Variants in KCNS3 observed in about 807,000 individuals in gnomAD.
KCNS3 encodes the protein potassium voltage-gated channel modifier subfamily S member 3.
A neutral mutation model predicts 31.0 loss-of-function variants in KCNS3; 13 were observed. That is an observed-to-expected ratio of 0.42 (90% CI 0.27 to 0.67). The LOEUF (loss-of-function observed/expected upper bound fraction) is 0.67, where lower values mean the gene tolerates loss of function less well. Ranked by LOEUF, KCNS3 falls within the 30% of genes least tolerant of loss-of-function variation. The pLI is 0.25. For missense variants in KCNS3, 545 were observed against 622.4 expected (o/e 0.88, Z 1.32); for synonymous variants, 238 against 241.5 (o/e 0.99, Z 0.13).
At chr2:17,906,168 T>C (rs539770597) in intron 1 of KCNS3, among the ~76,000 whole-genome samples, 2 of 152,348 alleles carry the variant, frequency 1.3e-5, no homozygotes, top group Non-Finnish European at 1.5e-5. Context: ...GGGATTCAAC[T>C]TCTTCGTGGT....
chr2:17,910,484 G>A (rs1662445831), intron 1 of KCNS3, among the ~76,000 whole-genome samples: 1 of 152,148 alleles, frequency 6.6e-6, no homozygotes, highest in Admixed American at 6.5e-5. Context: ...CAGTTTAAAT[G>A]GAATACAAAA....
chr2:17,890,062 T>G (rs1342263205), intron 1 of KCNS3, among the ~76,000 whole-genome samples: 1 of 152,068 alleles, frequency 6.6e-6, no homozygotes, highest in African/African-American at 2.4e-5. Flanking sequence ...TCCTGGACTG[T>G]TTTTTTGGCA....
Position 17,898,036 on chromosome 2 carries a change from G to A in KCNS3, c.-252+19230G>A, listed in dbSNP as rs187357797. ...TGCATATGGTTAGCCAGTTATCTCAGCACCATTTATTGATTAGGGAGTCCT... is the reference window on the plus strand; with the variant it reads ...TGCATATGGTTAGCCAGTTATCTCAACACCATTTATTGATTAGGGAGTCCT... On this transcript the variant is annotated intron_variant, in intron 1 of 2. Transcript: ENST00000304101. Among the ~76,000 whole-genome samples, 618 of 152,232 alleles carry A rather than the reference G, an allele frequency of 4.1e-3. 6 individuals are homozygous for A. The highest frequency in any genetic ancestry group is 0.015 in the African/African-American group (605 of 41,540).
intron 1 of KCNS3, among the ~76,000 whole-genome samples, chr2:17,894,970 C>CT (rs1661987871): frequency 6.6e-6 from 1 of 152,106 alleles, no homozygotes; most frequent in Admixed American, 6.5e-5. Flanking sequence ...AAATTTAAAA[C>CT]TTTTTTGACT....
intron 1 of KCNS3, among the ~76,000 whole-genome samples, chr2:17,913,648 T>C (rs796561028): frequency 4.3e-4 from 66 of 152,368 alleles, no homozygotes; most frequent in African/African-American, 1.5e-3. Flanking sequence ...CCCCAGCCCC[T>C]GTCAGCAGAT....
At chr2:17,930,401 A>C (rs1662930166) in intron 2 of KCNS3, among the ~76,000 whole-genome samples, 1 of 152,200 alleles carries the variant, frequency 6.6e-6, no homozygotes, top group South Asian at 2.1e-4. Context: ...CTCTTAAAGG[A>C]GTAAAACATT....
intron 2 of KCNS3, among the ~76,000 whole-genome samples, chr2:17,923,363 T>A (rs1272839227): frequency 6.6e-6 from 1 of 152,190 alleles, no homozygotes; most frequent in Non-Finnish European, 1.5e-5. Context: ...GGATACTATA[T>A]CCTTATCAGA....
At position 17,932,027 on chromosome 2, in the gene KCNS3, T is replaced by C; in HGVS notation, c.1019T>C (p.Val340Ala). The C allele has an allele frequency of 6.2e-7, 1 of 1,614,128 alleles. No homozygotes were observed. Among genetic ancestry groups the C allele is most frequent in the Non-Finnish European group, 8.5e-7 (1 of 1,180,016 alleles). Residue 340 changes from valine to alanine, a missense_variant, in exon 3 of 3, where the codon GTG becomes GCG. Coordinates refer to ENST00000304101, the MANE Select transcript of KCNS3 (RefSeq NM_002252.5). Reference protein sequence around the residue: ...FLSVGISIFSVLIYSVEKDDH... With the variant: ...FLSVGISIFSALIYSVEKDDH... ...TCTGTGGGCATTTCCATTTTCTCTGTGCTTATCTACTCCGTGGAGAAAGAT... is the reference window on the plus strand; with the variant it reads ...TCTGTGGGCATTTCCATTTTCTCTGCGCTTATCTACTCCGTGGAGAAAGAT...
chr2:17,931,545 G>T lies in KCNS3; in HGVS notation c.537G>T (p.Ala179=). ...KKIWIRMENP[A]YCLSAKLIAI... is the part of the protein sequence containing the mutation. Reference sequence around the variant, plus strand: ...TCTGGATTAGAATGGAGAATCCAGCGTACTGCCTGTCCGCTAAGCTTATCG... The same window carrying T: ...TCTGGATTAGAATGGAGAATCCAGCTTACTGCCTGTCCGCTAAGCTTATCG... The change falls in exon 3 of 3, where the codon GCG becomes GCT. Residue 179 remains alanine, a synonymous_variant. Transcript: ENST00000304101. This position sits in a 1 kb window ranked among gnomAD's most constrained non-coding sequence, Gnocchi z 5.4. 1.9e-6 allele frequency: 3 copies of T among 1,614,164 alleles called. No homozygotes were observed. Among genetic ancestry groups the T allele is most frequent in the Non-Finnish European group, 1.7e-6 (2 of 1,180,028 alleles).
intron 1 of KCNS3, among the ~76,000 whole-genome samples, chr2:17,908,984 A>T (rs1420065066): frequency 6.6e-6 from 1 of 152,174 alleles, no homozygotes; most frequent in African/African-American, 2.4e-5. Flanking sequence ...CTCCCTTCAA[A>T]GCTGTCAGAC....
intron 1 of KCNS3, among the ~76,000 whole-genome samples, chr2:17,897,548 C>T (rs182297988): frequency 1.5e-3 from 228 of 152,286 alleles, no homozygotes; most frequent in African/African-American, 5.2e-3. Flanking sequence ...CTCTGATCAT[C>T]GGTGATGATG....
Position 17,910,153 on chromosome 2 carries a change from A to C in KCNS3, c.-251-7527A>C, listed in dbSNP as rs551914818. ...TAGTAAAAGCAATTTATGAGTTAGC[A>C]ATATATTTGCTTATTAATTCTTTAA... On this transcript the variant is annotated intron_variant, in intron 1 of 2. Coordinates refer to ENST00000304101, the MANE Select transcript of KCNS3 (RefSeq NM_002252.5). Among the ~76,000 whole-genome samples, 13 of 152,362 alleles carry C rather than the reference A, an allele frequency of 8.5e-5. 1 individual carries two copies. The South Asian group carries it at 2.7e-3, about 32-fold the overall frequency.
In KCNS3 at chr2:17,917,719, C is replaced by T. The variant is rs1472626559; in HGVS notation, c.-212C>T. On this transcript the variant is annotated 5_prime_UTR_variant, in exon 2 of 3. Transcript: ENST00000304101. ...CCAGTGATTGCTTTGGCCTGTACAA[C>T]CAGAGAACAGGATTCTTCCCTTCTT... is the stretch of plus-strand genomic sequence containing the variant. 6.6e-6 allele frequency: 1 copy of T among 152,670 alleles called. No individual in the cohort carries two copies. The highest frequency in any genetic ancestry group is 1.9e-4 in the East Asian group (1 of 5,196). The allele number at this position is 152,670 out of a possible 1,614,324, so 9.5% of individuals were successfully genotyped here. A position where few individuals can be genotyped will look rare whatever the true frequency, so the allele number is the denominator to read the frequency against.
chr2:17,908,196 T>G (rs1010388699), intron 1 of KCNS3, among the ~76,000 whole-genome samples: 12 of 152,226 alleles, frequency 7.9e-5, no homozygotes, highest in African/African-American at 2.7e-4. Context: ...TCTTCTCACT[T>G]CATTTCATTC....
chr2:17,880,233 T>C (rs1245334854), intron 1 of KCNS3, among the ~76,000 whole-genome samples: 1 of 152,244 alleles, frequency 6.6e-6, no homozygotes, highest in Non-Finnish European at 1.5e-5. Flanking sequence ...GCTTTGATTC[T>C]CTAGCTGAAC....
At position 17,931,176 on chromosome 2, in the gene KCNS3, G is replaced by A. The variant is rs372262037; in HGVS notation, c.168G>A (p.Leu56=). ...TCHSEEAILE[L]CDDYSVADKE... Reference sequence around the variant, plus strand: ...ATTCTGAAGAGGCCATTCTGGAGCTGTGTGATGATTACAGTGTGGCCGATA... The same window carrying A: ...ATTCTGAAGAGGCCATTCTGGAGCTATGTGATGATTACAGTGTGGCCGATA... The change falls in exon 3 of 3, where the codon CTG becomes CTA. Residue 56 remains leucine, a synonymous_variant. Transcript: ENST00000304101. The surrounding 1 kb of genome is among the most constrained non-coding windows in gnomAD (Gnocchi z 5.4). 1.9e-6 allele frequency: 3 copies of A among 1,614,136 alleles called. No individual in the cohort carries two copies. The highest frequency in any genetic ancestry group is 2.5e-6 in the Non-Finnish European group (3 of 1,180,010).
At position 17,888,635 on chromosome 2, in the gene KCNS3, A is replaced by G. The variant is rs10195764; in HGVS notation, c.-252+9829A>G. ...AAAGTATAATAAAAAAAATGTATAT[A>G]TATATATATATATATATATATATAT... is the stretch of plus-strand genomic sequence containing the variant. On this transcript the variant is annotated intron_variant, in intron 1 of 2. Transcript: ENST00000304101. 7.7e-3 allele frequency among the ~76,000 whole-genome samples: 219 copies of G among 28,516 alleles called. 5 individuals are homozygous for G. Among genetic ancestry groups the G allele is most frequent in the Middle Eastern group, 0.04 (2 of 50 alleles). 18.7% of individuals were successfully genotyped at this position (28,516 alleles called of 152,430 possible). A position where few individuals can be genotyped will look rare whatever the true frequency, so the allele number is the denominator to read the frequency against.
chr2:17,913,068 C>G (rs1338336214), intron 1 of KCNS3, among the ~76,000 whole-genome samples: 2 of 152,092 alleles, frequency 1.3e-5, no homozygotes, highest in African/African-American at 2.4e-5. Flanking sequence ...ATTTAAATAT[C>G]AGTACATTTT....
At chr2:17,886,442 A>G (rs1476030730) in intron 1 of KCNS3, among the ~76,000 whole-genome samples, 1 of 152,068 alleles carries the variant, frequency 6.6e-6, no homozygotes, top group Non-Finnish European at 1.5e-5. Flanking sequence ...CACTTCTTGG[A>G]AGTATTTTTT....
Sources: allele counts gnomAD v4.1 joint callset (sites outside exome capture counted in the v4.1 genomes callset), GRCh38; gene constraint gnomAD v4.1.1; non-coding constraint Gnocchi (gnomAD v3.1); transcripts MANE v1.5; gene names NCBI Gene and HGNC (gene_info 2026-07-23, HGNC 2026-07-21).